Variants in CFAP299 observed in about 807,000 individuals in gnomAD.
The protein encoded by CFAP299 is cilia- and flagella-associated protein 299.
A neutral mutation model predicts 27.0 loss-of-function variants in CFAP299; 21 were observed. The ratio of observed to expected loss-of-function variants is 0.78; its 90% CI spans 0.55 to 1.12. The LOEUF (loss-of-function observed/expected upper bound fraction) is 1.12. Ranked by LOEUF, CFAP299 falls within the 50% of genes most tolerant of loss-of-function variation. CFAP299 has a pLI of 0.00. For synonymous variants in CFAP299, 104 were observed against 98.1 expected (o/e 1.06, Z -0.36); for missense variants, 310 against 276.6 (o/e 1.12, Z -0.86).
At chr4:80,954,658 A>C (rs1334132811) in intron 5 of CFAP299, among the ~76,000 whole-genome samples, 1 of 152,072 alleles carries the variant, frequency 6.6e-6, no homozygotes, top group Non-Finnish European at 1.5e-5. Flanking sequence ...AGGTTGCTCC[A>C]AGGGGATAGG....
intron 3 of CFAP299, among the ~76,000 whole-genome samples, chr4:80,832,253 T>C (rs1007302957): frequency 8.5e-5 from 13 of 152,176 alleles, no homozygotes; most frequent in African/African-American, 2.4e-4. Flanking sequence ...CATACGGTAG[T>C]CTGTGATGTG....
intron 5 of CFAP299, among the ~76,000 whole-genome samples, chr4:80,947,984 A>T (rs1171471533): frequency 6.6e-6 from 1 of 152,152 alleles, no homozygotes; most frequent in African/African-American, 2.4e-5. Flanking sequence ...AGCAATTTTT[A>T]TTGAAATCCT....
intron 3 of CFAP299, among the ~76,000 whole-genome samples, chr4:80,696,684 G>A (rs1375424724): frequency 2.6e-5 from 4 of 152,128 alleles, no homozygotes; most frequent in Non-Finnish European, 4.4e-5. Flanking sequence ...AGAGTGAGGG[G>A]CAACATTCAA....
At chr4:80,365,457 T>C (rs1723782053) in intron 2 of CFAP299, among the ~76,000 whole-genome samples, 1 of 152,200 alleles carries the variant, frequency 6.6e-6, no homozygotes, top group Non-Finnish European at 1.5e-5. Context: ...ATATTCACAG[T>C]TCTTAAGATT....
At chr4:80,425,121 T>G (rs1338530464) in intron 2 of CFAP299, among the ~76,000 whole-genome samples, 1 of 152,200 alleles carries the variant, frequency 6.6e-6, no homozygotes, top group Non-Finnish European at 1.5e-5. Context: ...GTTATAAATT[T>G]AATCCCCAAT....
chr4:80,616,830 T>A (rs1225516253), intron 3 of CFAP299, among the ~76,000 whole-genome samples: 1 of 152,156 alleles, frequency 6.6e-6, no homozygotes, highest in Non-Finnish European at 1.5e-5. Context: ...GACATGCATA[T>A]GTACACATAC....
chr4:80,779,316 C>G (rs1726739407), intron 3 of CFAP299, among the ~76,000 whole-genome samples: 1 of 152,008 alleles, frequency 6.6e-6, no homozygotes, highest in Non-Finnish European at 1.5e-5. Context: ...CACCTCTACT[C>G]AGTATATTAT....
At chr4:80,563,843 A>G (rs1468258933) in intron 2 of CFAP299, among the ~76,000 whole-genome samples, 1 of 152,076 alleles carries the variant, frequency 6.6e-6, no homozygotes. Context: ...AAATAAATAA[A>G]ATCAGAAATG....
At chr4:80,479,598 C>T (rs565771181) in intron 2 of CFAP299, among the ~76,000 whole-genome samples, 1 of 151,992 alleles carries the variant, frequency 6.6e-6, no homozygotes, top group African/African-American at 2.4e-5. Context: ...GTCAAAAGTG[C>T]AAACATTTGC....
intron 3 of CFAP299, among the ~76,000 whole-genome samples, chr4:80,671,780 G>T (rs1741501588): frequency 6.6e-6 from 1 of 152,192 alleles, no homozygotes; most frequent in African/African-American, 2.4e-5. Context: ...GTTCACTCAT[G>T]ATTTGGCTCT....
chr4:80,371,314 A>G (rs1724139948), intron 2 of CFAP299, among the ~76,000 whole-genome samples: 1 of 152,128 alleles, frequency 6.6e-6, no homozygotes. Flanking sequence ...AGGGGCTGCC[A>G]CGAAGGTCTC....
At chr4:80,747,385 T>C (rs1211564965) in intron 3 of CFAP299, among the ~76,000 whole-genome samples, 1 of 152,064 alleles carries the variant, frequency 6.6e-6, no homozygotes, top group Non-Finnish European at 1.5e-5. Flanking sequence ...AACAGGAGTA[T>C]TTCAGCTTCA....
At position 80,897,240 on chromosome 4, in the gene CFAP299, G is replaced by A. The variant is rs114947597; in HGVS notation, c.476+27105G>A. Among the ~76,000 whole-genome samples the A allele has an allele frequency of 6.1e-3, 932 of 152,184 alleles. 11 individuals are homozygous for A. The highest frequency in any genetic ancestry group is 0.021 in the African/African-American group (884 of 41,534). On this transcript the variant is annotated intron_variant, in intron 4 of 5. Coordinates refer to ENST00000358105, the MANE Select transcript of CFAP299 (RefSeq NM_152770.3). ...CAGAGCAGTTTTCATCATTGTACAAGAGATTAAACATTTCTAAAACTTTAT... is the reference window on the plus strand; with the variant it reads ...CAGAGCAGTTTTCATCATTGTACAAAAGATTAAACATTTCTAAAACTTTAT...
chr4:80,653,950 T>C (rs2109973197), intron 3 of CFAP299, among the ~76,000 whole-genome samples: 1 of 152,246 alleles, frequency 6.6e-6, no homozygotes, highest in Non-Finnish European at 1.5e-5. Flanking sequence ...TAATATGTGT[T>C]TATATATATG....
At chr4:80,729,775 T>G (rs1352776925) in intron 3 of CFAP299, among the ~76,000 whole-genome samples, 4 of 151,780 alleles carry the variant, frequency 2.6e-5, no homozygotes, top group Non-Finnish European at 4.4e-5. Flanking sequence ...AATTTTTTTT[T>G]GTATTTTTCA....
chr4:80,883,842 TTTTGTTTGTTTG>T (rs59740725), intron 4 of CFAP299, among the ~76,000 whole-genome samples: 2 of 152,078 alleles, frequency 1.3e-5, no homozygotes, highest in African/African-American at 4.8e-5. Flanking sequence ...TAGTCCACTT[TTTTGTTTGTTTG>T]TTTGTTTGTT....
chr4:80,471,551 CA>C (rs1013138749), intron 2 of CFAP299, among the ~76,000 whole-genome samples: 25 of 115,006 alleles, frequency 2.2e-4, no homozygotes, highest in Non-Finnish European at 3.5e-4. Context: ...CTTTGCTCAG[CA>C]GGGAGAGACT....
intron 4 of CFAP299, among the ~76,000 whole-genome samples, chr4:80,899,257 A>C (rs2110193525): frequency 6.6e-6 from 1 of 152,336 alleles, no homozygotes; most frequent in East Asian, 1.9e-4. Context: ...TCCGACTCTT[A>C]AATTTGAGTT....
intron 4 of CFAP299, among the ~76,000 whole-genome samples, chr4:80,901,528 C>A (rs1214063187): frequency 6.6e-6 from 1 of 152,108 alleles, no homozygotes. Flanking sequence ...TACTTTGCCA[C>A]TTTTAAGATG....
Sources: gnomAD v4.1 joint callset for allele counts (sites outside exome capture counted in the v4.1 genomes callset) on GRCh38, gnomAD v4.1.1 for gene constraint, MANE v1.5 for transcripts, NCBI Gene and HGNC (gene_info 2026-07-23, HGNC 2026-07-21) for gene names.